The following INPP5A variants were observed in gnomAD, a reference collection of about 807,000 sequenced individuals.
INPP5A encodes inositol polyphosphate-5-phosphatase A.
A neutral mutation model predicts 65.2 loss-of-function variants in INPP5A; 14 were observed. The ratio of observed to expected loss-of-function variants is 0.21; its 90% CI spans 0.14 to 0.34. The LOEUF (loss-of-function observed/expected upper bound fraction) is 0.34, where lower values mean the gene tolerates loss of function less well. Ranked by LOEUF, INPP5A falls within the 10% of genes least tolerant of loss-of-function variation. The pLI is 1.00. For missense variants in INPP5A, 431 were observed against 545.6 expected, an observed-to-expected ratio of 0.79 and a Z score of 2.09; for synonymous variants, 207 against 208.3, an observed-to-expected ratio of 0.99 and a Z score of 0.05.
chr10:132,638,645 G>A (rs1590886211), intron 2 of INPP5A, among the ~76,000 whole-genome samples: 1 of 152,172 alleles, frequency 6.6e-6, no homozygotes, highest in East Asian at 1.9e-4. Context: ...TCGGAGCACT[G>A]CAGCCTCTGC....
chr10:132,586,940 G>A (rs997566357), intron 1 of INPP5A, among the ~76,000 whole-genome samples: 2 of 152,198 alleles, frequency 1.3e-5, no homozygotes, highest in Non-Finnish European at 2.9e-5. Context: ...GCGAGTCGGA[G>A]TCGGAGCTGG....
At chr10:132,745,497 G>C (rs531634122) in intron 9 of INPP5A, among the ~76,000 whole-genome samples, 33 of 150,060 alleles carry the variant, frequency 2.2e-4, no homozygotes, top group Non-Finnish European at 3.9e-4. Context: ...TTCCCTTCCC[G>C]AGTCCGGGCA....
At position 132,587,428 on chromosome 10, in the gene INPP5A, C is replaced by CATG. The variant is rs2071558526; in HGVS notation, c.76-20486_76-20484dup. ...TCTGTGGGGCTGGCAGGGATCCTGG[C>CATG]ATGGCCTGTGTGATTCGAGGTCAGA... On this transcript the variant is annotated intron_variant, in intron 1 of 15. Coordinates refer to ENST00000368594, the MANE Select transcript of INPP5A (RefSeq NM_005539.5). The surrounding 1 kb of genome is among the most constrained non-coding windows in gnomAD (Gnocchi z 4.3). 6.6e-6 allele frequency among the ~76,000 whole-genome samples: 1 copy of CATG among 152,194 alleles called. No homozygotes were observed. Among genetic ancestry groups the CATG allele is most frequent in the African/African-American group, 2.4e-5 (1 of 41,446 alleles).
At chr10:132,615,546 A>C (rs772636479) in intron 2 of INPP5A, among the ~76,000 whole-genome samples, 5 of 151,956 alleles carry the variant, frequency 3.3e-5, no homozygotes, top group Admixed American at 2.0e-4. Flanking sequence ...CTGGAAGTTC[A>C]CTGCGCTTGG....
In INPP5A at chr10:132,538,273, G is replaced by C; in HGVS notation, c.75+102G>C. 1.8e-6 allele frequency: 1 copy of C among 567,350 alleles called. No homozygotes were observed. The highest frequency in any genetic ancestry group is 2.5e-6 in the Non-Finnish European group (1 of 404,604). 35.1% of individuals were successfully genotyped at this position (567,350 alleles called of 1,614,324 possible). ...TTGGACCCTGGACCGTGAACCTCCA[G>C]ACCCAGAGGCCCCAGACTCTGATCC... On this transcript the variant is annotated intron_variant, in intron 1 of 15. Coordinates refer to ENST00000368594, the MANE Select transcript of INPP5A (RefSeq NM_005539.5). This position sits in a 1 kb window ranked among gnomAD's most constrained non-coding sequence, Gnocchi z 4.1.
chr10:132,688,984 CAAGT>C lies in INPP5A; in HGVS notation c.307-1407_307-1404del, dbSNP rs760591624. Among the ~76,000 whole-genome samples, 8 of 151,944 alleles carry C rather than the reference CAAGT, an allele frequency of 5.3e-5. 1 individual carries two copies. The highest frequency in any genetic ancestry group is 1.2e-4 in the Non-Finnish European group (8 of 67,982). ...TTGTGTGTGCATGAGTGTATGTGTG[CAAGT>C]GTGTGTGAGTGCCTGTGAGTGCTTG... is the stretch of plus-strand genomic sequence containing the variant. On this transcript the variant is annotated intron_variant, in intron 4 of 15. Coordinates refer to ENST00000368594, the MANE Select transcript of INPP5A (RefSeq NM_005539.5).
At chr10:132,572,487 G>A (rs78693542) in intron 1 of INPP5A, among the ~76,000 whole-genome samples, 7,310 of 152,172 alleles carry the variant, frequency 0.048, 256 homozygotes, top group South Asian at 0.13. Flanking sequence ...TGCTGAGCAC[G>A]CCCGCCCGGG....
At chr10:132,742,156 A>G (rs951806141) in intron 9 of INPP5A, among the ~76,000 whole-genome samples, 52 of 152,322 alleles carry the variant, frequency 3.4e-4, no homozygotes, top group African/African-American at 1.2e-3. Flanking sequence ...CCGAGGAGAG[A>G]TGGCGAAGTG....
intron 1 of INPP5A, among the ~76,000 whole-genome samples, chr10:132,582,130 C>T (rs561444153): frequency 9.2e-4 from 140 of 152,220 alleles, no homozygotes; most frequent in African/African-American, 3.0e-3. Context: ...TGAGCCACTG[C>T]GCCCGGCCTC....
chr10:132,773,466 T>G (rs1484294754), intron 12 of INPP5A, among the ~76,000 whole-genome samples: 1 of 152,200 alleles, frequency 6.6e-6, no homozygotes, highest in African/African-American at 2.4e-5. Context: ...TATTTTTAAA[T>G]TAGGGATTAG....
At chr10:132,677,870 C>T (rs781433359) in intron 4 of INPP5A, among the ~76,000 whole-genome samples, 1 of 152,202 alleles carries the variant, frequency 6.6e-6, no homozygotes, top group Non-Finnish European at 1.5e-5. Context: ...CCGGCTTCCA[C>T]GGGGCACGCT....
At chr10:132,761,512 G>C (rs868178428) in intron 11 of INPP5A, among the ~76,000 whole-genome samples, 1 of 151,688 alleles carries the variant, frequency 6.6e-6, no homozygotes, top group African/African-American at 2.4e-5. Flanking sequence ...CAGCACCTGT[G>C]GGGGAGGAGC....
intron 2 of INPP5A, among the ~76,000 whole-genome samples, chr10:132,614,698 T>C (rs906502727): frequency 6.6e-6 from 1 of 152,248 alleles, no homozygotes; most frequent in Non-Finnish European, 1.5e-5. Flanking sequence ...CCCACATTCC[T>C]GTGTTAACAT....
intron 1 of INPP5A, among the ~76,000 whole-genome samples, chr10:132,568,601 A>G (rs1564919059): frequency 6.6e-6 from 1 of 151,928 alleles, no homozygotes; most frequent in Non-Finnish European, 1.5e-5. Context: ...ATACAAAAAA[A>G]AAAAAATTAG....
rs967948247 is a variant in INPP5A at position 132,717,057 on chromosome 10, C to T, written c.647+6601C>T. On this transcript the variant is annotated intron_variant, in intron 8 of 15. Transcript: ENST00000368594. ...CATCTCAGCCCCGCCCACCGCAACACAACTCTGTGGCGGGGCTTTGCAGCC... is the reference window on the plus strand; with the variant it reads ...CATCTCAGCCCCGCCCACCGCAACATAACTCTGTGGCGGGGCTTTGCAGCC... Among the ~76,000 whole-genome samples, 4 of 152,236 alleles carry T rather than the reference C, an allele frequency of 2.6e-5. No homozygotes were observed. The East Asian group carries it at 7.7e-4, about 29-fold the overall frequency.
intron 1 of INPP5A, among the ~76,000 whole-genome samples, chr10:132,569,567 A>C (rs2071312817): frequency 6.6e-6 from 1 of 152,204 alleles, no homozygotes; most frequent in Non-Finnish European, 1.5e-5. Context: ...TATGTTGCCC[A>C]GGCTGGTCTC....
chr10:132,633,724 C>T (rs1397340518), intron 2 of INPP5A, among the ~76,000 whole-genome samples: 5 of 152,234 alleles, frequency 3.3e-5, no homozygotes, highest in African/African-American at 1.2e-4. Flanking sequence ...CTGGGGGTGG[C>T]TTTGCGCAGC....
chr10:132,622,315 C>T (rs1254293503), intron 2 of INPP5A, among the ~76,000 whole-genome samples: 10 of 150,782 alleles, frequency 6.6e-5, no homozygotes, highest in South Asian at 2.1e-4. Flanking sequence ...AAATATACCG[C>T]GTTCGTGGAT....
chr10:132,647,944 G>A (rs989633016), intron 3 of INPP5A, among the ~76,000 whole-genome samples: 3 of 152,210 alleles, frequency 2.0e-5, no homozygotes, highest in African/African-American at 7.2e-5. Flanking sequence ...AGGAAGTGCA[G>A]CCTACAGAAT....
Sources: allele counts gnomAD v4.1 joint callset (sites outside exome capture counted in the v4.1 genomes callset), GRCh38; gene constraint gnomAD v4.1.1; non-coding constraint Gnocchi (gnomAD v3.1); transcripts MANE v1.5; gene names NCBI Gene and HGNC (gene_info 2026-07-23, HGNC 2026-07-21).